LRRTM4: variants seen among roughly 807,000 people sequenced by gnomAD.
LRRTM4 encodes the protein leucine-rich repeat transmembrane neuronal protein 4.
Under a neutral mutation model 47.6 loss-of-function variants are expected in LRRTM4, and 25 were observed. The ratio of observed to expected loss-of-function variants is 0.53; its 90% CI spans 0.38 to 0.73. LRRTM4 has a LOEUF of 0.73. Ranked by LOEUF, LRRTM4 falls within the 30% of genes least tolerant of loss-of-function variation. The probability of loss-of-function intolerance (pLI) is 0.00; values close to 1 mark genes in which losing one functional copy is unlikely to be tolerated. For synonymous variants in LRRTM4, 311 were observed against 269.5 expected (o/e 1.15, Z -1.51); for missense variants, 638 against 713.4 (o/e 0.89, Z 1.20).
intron 3 of LRRTM4, among the ~76,000 whole-genome samples, chr2:77,381,530 G>C (rs541015171): frequency 9.9e-5 from 15 of 151,904 alleles, no homozygotes; most frequent in Non-Finnish European, 1.6e-4. Flanking sequence ...TATAGAACTA[G>C]CGAATAGGCA....
At chr2:76,757,711 C>T (rs183887075) in intron 3 of LRRTM4, among the ~76,000 whole-genome samples, 2 of 152,190 alleles carry the variant, frequency 1.3e-5, no homozygotes, top group Non-Finnish European at 2.9e-5. Context: ...GATAGAATTT[C>T]CAATCACATA....
chr2:77,044,248 C>A (rs1679154068), intron 3 of LRRTM4, among the ~76,000 whole-genome samples: 1 of 151,540 alleles, frequency 6.6e-6, no homozygotes, highest in Non-Finnish European at 1.5e-5. Flanking sequence ...AAAGTATATA[C>A]AATTTTAAAG....
intron 3 of LRRTM4, among the ~76,000 whole-genome samples, chr2:77,418,445 C>A (rs1354589): frequency 6.6e-6 from 1 of 152,102 alleles, no homozygotes; most frequent in Non-Finnish European, 1.5e-5. Context: ...GCTCCATCCC[C>A]GAGCATATGC....
chr2:77,311,263 G>T (rs1257622784), intron 3 of LRRTM4, among the ~76,000 whole-genome samples: 1 of 152,084 alleles, frequency 6.6e-6, no homozygotes, highest in African/African-American at 2.4e-5. Flanking sequence ...AGGGTACTGA[G>T]TTTTCTTGGA....
chr2:77,477,963 GAA>G (rs1553449120), intron 3 of LRRTM4, among the ~76,000 whole-genome samples: 20 of 115,632 alleles, frequency 1.7e-4, no homozygotes, highest in African/African-American at 6.6e-4. Flanking sequence ...AAGAAAGAAA[GAA>G]AGAAAAAGAA....
chr2:76,816,178 G>C (rs926689221), intron 3 of LRRTM4, among the ~76,000 whole-genome samples: 2 of 152,068 alleles, frequency 1.3e-5, no homozygotes, highest in Non-Finnish European at 2.9e-5. Flanking sequence ...AAGATTGTTT[G>C]TATGCAAAGG....
intron 3 of LRRTM4, among the ~76,000 whole-genome samples, chr2:77,221,392 A>T (rs1196335642): frequency 6.6e-6 from 1 of 152,024 alleles, no homozygotes; most frequent in African/African-American, 2.4e-5. Context: ...AGTGCTCCAA[A>T]TAAAAGACAC....
chr2:76,967,943 A>C (rs1676083050), intron 3 of LRRTM4, among the ~76,000 whole-genome samples: 2 of 151,562 alleles, frequency 1.3e-5, no homozygotes, highest in African/African-American at 2.4e-5. Context: ...CTGCTAGCTC[A>C]GTTCCCAATG....
chr2:76,820,725 A>G (rs958267335), intron 3 of LRRTM4, among the ~76,000 whole-genome samples: 1 of 151,812 alleles, frequency 6.6e-6, no homozygotes, highest in Admixed American at 6.6e-5. Context: ...CATTAAAAAT[A>G]ATAGAGAAGT....
chr2:76,972,160 A>G (rs753200466), intron 3 of LRRTM4, among the ~76,000 whole-genome samples: 9 of 152,038 alleles, frequency 5.9e-5, no homozygotes, highest in Non-Finnish European at 8.8e-5. Context: ...AGCGAAAAGG[A>G]GAAACCCAAT....
intron 3 of LRRTM4, chr2:76,990,028 G>A (rs1676947817): frequency 6.6e-6 from 1 of 151,670 alleles, no homozygotes; most frequent in Non-Finnish European, 1.5e-5. Context: ...TTAGGGAGAG[G>A]TAATACCCCA....
intron 3 of LRRTM4, among the ~76,000 whole-genome samples, chr2:77,332,132 T>C (rs1670994503): frequency 6.6e-6 from 1 of 152,200 alleles, no homozygotes; most frequent in Non-Finnish European, 1.5e-5. Flanking sequence ...AATTTCTGGA[T>C]TGGATTTCTT....
At position 77,106,520 on chromosome 2, in the gene LRRTM4, C is replaced by T. The variant is rs1455861534; in HGVS notation, c.1552-357604G>A. Among the ~76,000 whole-genome samples, 34 of 151,560 alleles carry T rather than the reference C, an allele frequency of 2.2e-4. 1 individual carries two copies. The highest frequency in any genetic ancestry group is 2.2e-3 in the Admixed American group (34 of 15,180). ...GATATATCTTTGAGGGATAGAAATA[C>T]TGGAATTAAGTAACACATATTAAAA... On this transcript the variant is annotated intron_variant, in intron 3 of 3. Coordinates refer to ENST00000409884, the MANE Select transcript of LRRTM4 (RefSeq NM_001134745.3).
chr2:76,777,362 T>G (rs1427698354), intron 3 of LRRTM4, among the ~76,000 whole-genome samples: 1 of 142,930 alleles, frequency 7.0e-6, no homozygotes, highest in East Asian at 2.2e-4. Flanking sequence ...TATGGCCATT[T>G]TCACGATATT....
At chr2:76,953,882 G>A (rs1286279670) in intron 3 of LRRTM4, among the ~76,000 whole-genome samples, 2 of 151,858 alleles carry the variant, frequency 1.3e-5, no homozygotes, top group Admixed American at 1.3e-4. Flanking sequence ...GAGCACAAGA[G>A]AGGTCAGTAG....
chr2:77,438,429 T>TG lies in LRRTM4; in HGVS notation c.1551+79888dup, dbSNP rs1409683405. Among the ~76,000 whole-genome samples the TG allele has an allele frequency of 1.6e-4, 21 of 130,238 alleles. No homozygotes were observed. In the East Asian group the frequency reaches 4.8e-3, roughly 30 times the overall value. The allele number at this position is 130,238 out of a possible 152,430, so 85.4% of individuals were successfully genotyped here. On this transcript the variant is annotated intron_variant, in intron 3 of 3. Transcript: ENST00000409884. ...TTTTTTTTTTTTTTTTTTTTTGAGA[T>TG]GGAGTCTCGCTCTGTCGCCCAGGCT...
intron 3 of LRRTM4, among the ~76,000 whole-genome samples, chr2:77,064,887 A>T (rs938207428): frequency 2.6e-5 from 4 of 151,728 alleles, no homozygotes; most frequent in Non-Finnish European, 5.9e-5. Flanking sequence ...GACTTAACCT[A>T]CCCTTAGCAA....
chr2:76,974,101 C>G (rs1024520514), intron 3 of LRRTM4, among the ~76,000 whole-genome samples: 2 of 149,322 alleles, frequency 1.3e-5, no homozygotes, highest in African/African-American at 4.9e-5. Context: ...GTTTCTAAAG[C>G]TGAATTACAT....
At chr2:76,968,799 C>T (rs1164999172) in intron 3 of LRRTM4, among the ~76,000 whole-genome samples, 1 of 151,800 alleles carries the variant, frequency 6.6e-6, no homozygotes, top group East Asian at 2.0e-4. Flanking sequence ...TCAAAGACTT[C>T]TCGTGTTCAG....
Sources: gnomAD v4.1 joint callset for allele counts (sites outside exome capture counted in the v4.1 genomes callset) on GRCh38, gnomAD v4.1.1 for gene constraint, MANE v1.5 for transcripts, NCBI Gene and HGNC (gene_info 2026-07-23, HGNC 2026-07-21) for gene names.